Variants in KCNIP3 observed in about 807,000 individuals in gnomAD.
The protein encoded by KCNIP3 is potassium voltage-gated channel interacting protein 3.
In KCNIP3, 28 loss-of-function variants were observed where a neutral mutation model predicts 35.0. The ratio of observed to expected loss-of-function variants is 0.80; its 90% CI spans 0.59 to 1.10. The LOEUF is 1.10. KCNIP3 is among the 50% of genes least tolerant of loss of function. The probability of loss-of-function intolerance (pLI) is 0.00; values close to 1 mark genes in which losing one functional copy is unlikely to be tolerated. For synonymous variants in KCNIP3, 134 were observed against 133.8 expected, an observed-to-expected ratio of 1.00 and a Z score of -0.01; for missense variants, 295 against 338.4, an observed-to-expected ratio of 0.87 and a Z score of 1.01.
chr2:95,360,708 AATC>A (rs749386069), intron 2 of KCNIP3, among the ~76,000 whole-genome samples: 7 of 152,176 alleles, frequency 4.6e-5, no homozygotes, highest in Non-Finnish European at 8.8e-5. Context: ...CTTCTTACTG[AATC>A]ATCATTCCAT....
intron 2 of KCNIP3, chr2:95,347,058 G>A: frequency 6.2e-7 from 1 of 1,611,976 alleles, no homozygotes; most frequent in Non-Finnish European, 8.5e-7. Flanking sequence ...CCATGGCCGT[G>A]GTGGTGCTGC....
chr2:95,381,382 C>G (rs369811958), intron 5 of KCNIP3, among the ~76,000 whole-genome samples: 1 of 152,218 alleles, frequency 6.6e-6, no homozygotes, highest in African/African-American at 2.4e-5. Context: ...GGTGCACACC[C>G]TCACACAAGT....
chr2:95,351,073 G>GAT (rs1372837928), intron 2 of KCNIP3, among the ~76,000 whole-genome samples: 2 of 152,262 alleles, frequency 1.3e-5, no homozygotes, highest in Non-Finnish European at 2.9e-5. Context: ...TGCATCTTCA[G>GAT]GCCCCTGCCC....
chr2:95,377,319 G>A lies in KCNIP3; in HGVS notation c.447+2111G>A, dbSNP rs1454720356. 1.3e-5 allele frequency among the ~76,000 whole-genome samples: 2 copies of A among 152,212 alleles called. No individual in the cohort carries two copies. The highest frequency in any genetic ancestry group is 4.8e-5 in the African/African-American group (2 of 41,454). On this transcript the variant is annotated intron_variant, in intron 5 of 8. Coordinates refer to ENST00000295225, the MANE Select transcript of KCNIP3 (RefSeq NM_013434.5). This position sits in a 1 kb window ranked among gnomAD's most constrained non-coding sequence, Gnocchi z 4.7. ...CAGGCAGGCATCTGGAGGTGCGGCC[G>A]CTTCTCTGTTACCTCCCCCGACAGT... is the stretch of plus-strand genomic sequence containing the variant.
chr2:95,298,899 AGCGACCCT>A (rs1677948388), intron 1 of KCNIP3: 1 of 152,218 alleles, frequency 6.6e-6, no homozygotes, highest in South Asian at 2.1e-4. Flanking sequence ...AGACACATTG[AGCGACCCT>A]GCATGACTAC....
chr2:95,348,096 A>G (rs185801119), intron 2 of KCNIP3, among the ~76,000 whole-genome samples: 2,473 of 152,314 alleles, frequency 0.016, 34 homozygotes, highest in Non-Finnish European at 0.024. Flanking sequence ...CCCAAAGTCC[A>G]CAGCCACATG....
chr2:95,352,723 C>G (rs78016242), intron 2 of KCNIP3, among the ~76,000 whole-genome samples: 1 of 152,200 alleles, frequency 6.6e-6, no homozygotes, highest in African/African-American at 2.4e-5. Context: ...CCTTCCTCCC[C>G]TGCCTTCCAG....
At chr2:95,312,176 C>T (rs1678337269) in intron 2 of KCNIP3, 1 of 152,382 alleles carries the variant, frequency 6.6e-6, no homozygotes, top group South Asian at 2.1e-4. Context: ...ACCCTCCCTC[C>T]ATCCCTCAGG....
intron 2 of KCNIP3, among the ~76,000 whole-genome samples, chr2:95,335,525 T>A (rs1050433936): frequency 6.6e-6 from 1 of 152,214 alleles, no homozygotes; most frequent in African/African-American, 2.4e-5. Flanking sequence ...GTTTTCTCTT[T>A]ACCTCTAATT....
chr2:95,372,640 A>G (rs1680067828), intron 2 of KCNIP3, among the ~76,000 whole-genome samples: 1 of 152,194 alleles, frequency 6.6e-6, no homozygotes, highest in Admixed American at 6.5e-5. Context: ...GAGCAGGCAC[A>G]GTTCAGCCAT....
chr2:95,357,958 C>T (rs1266178496), intron 2 of KCNIP3, among the ~76,000 whole-genome samples: 1 of 152,186 alleles, frequency 6.6e-6, no homozygotes, highest in Non-Finnish European at 1.5e-5. Context: ...GAATGTGCTG[C>T]AGTGCACCAA....
intron 2 of KCNIP3, among the ~76,000 whole-genome samples, chr2:95,315,076 C>T (rs913963274): frequency 9.2e-5 from 14 of 152,108 alleles, no homozygotes; most frequent in Admixed American, 7.9e-4. Context: ...CGCTCTATTC[C>T]GTGGTGAAAT....
At chr2:95,344,274 T>TG (rs3836206) in intron 2 of KCNIP3, among the ~76,000 whole-genome samples, 37,155 of 129,312 alleles carry the variant, frequency 0.29, 5,184 homozygotes, top group African/African-American at 0.45. Flanking sequence ...GGTGGCGGGG[T>TG]GGGGGGGGGC....
chr2:95,303,321 G>A (rs1678085606), intron 1 of KCNIP3: 2 of 152,544 alleles, frequency 1.3e-5, no homozygotes, highest in South Asian at 4.2e-4. Flanking sequence ...TCCAGGTCCT[G>A]GAGGTTTGTT....
intron 2 of KCNIP3, chr2:95,312,365 A>G (rs1283760434): frequency 6.6e-6 from 1 of 152,228 alleles, no homozygotes; most frequent in East Asian, 1.9e-4. Flanking sequence ...GGCGTGTTCA[A>G]GTCAGGGCGG....
chr2:95,326,630 A>T (rs188472823), intron 2 of KCNIP3, among the ~76,000 whole-genome samples: 14 of 151,876 alleles, frequency 9.2e-5, no homozygotes, highest in African/African-American at 2.9e-4. Context: ...GTTGCTCTTG[A>T]CTCTTTTCCT....
rs150608293 is a variant in KCNIP3 at position 95,381,112 on chromosome 2, T to C, written c.448-484T>C. 4.6e-5 allele frequency among the ~76,000 whole-genome samples: 7 copies of C among 152,342 alleles called. No individual in the cohort carries two copies. The East Asian group carries it at 1.2e-3, about 25-fold the overall frequency. ...CAGAATAAACATAGAGCACCTCCTT[T>C]ATTAAAAGAGTACCCCAGGCGTCTC... On this transcript the variant is annotated intron_variant, in intron 5 of 8. Transcript: ENST00000295225.
At chr2:95,322,289 G>A (rs1678614971) in intron 2 of KCNIP3, among the ~76,000 whole-genome samples, 1 of 152,168 alleles carries the variant, frequency 6.6e-6, no homozygotes, top group Non-Finnish European at 1.5e-5. Flanking sequence ...TTGAACCCGG[G>A]AGGTCAAGGC....
intron 2 of KCNIP3, among the ~76,000 whole-genome samples, chr2:95,332,120 A>T (rs946987736): frequency 6.6e-6 from 1 of 152,234 alleles, no homozygotes; most frequent in Non-Finnish European, 1.5e-5. Context: ...AGACAGAGAG[A>T]GGAGGCACAG....
Sources: gnomAD v4.1 joint callset for allele counts (sites outside exome capture counted in the v4.1 genomes callset) on GRCh38, gnomAD v4.1.1 for gene constraint, Gnocchi (gnomAD v3.1) non-coding constraint, MANE v1.5 for transcripts, NCBI Gene and HGNC (gene_info 2026-07-23, HGNC 2026-07-21) for gene names.